Variants in CLASP2 observed in about 807,000 individuals in gnomAD.
CLASP2 encodes the protein CLIP-associating protein 2.
Under a neutral mutation model 194.4 loss-of-function variants are expected in CLASP2, and 47 were observed. The ratio of observed to expected loss-of-function variants is 0.24; its 90% CI spans 0.19 to 0.31. The LOEUF (loss-of-function observed/expected upper bound fraction) is 0.31, where lower values mean the gene tolerates loss of function less well. CLASP2 is among the 10% of genes least tolerant of loss of function. The pLI is 1.00. For synonymous variants in CLASP2, 619 were observed against 633.5 expected (o/e 0.98, Z 0.34); for missense variants, 1,445 against 1,823.6 (o/e 0.79, Z 3.78).
intron 9 of CLASP2, 127 bp from the exon 10 acceptor site, chr3:33,627,207 G>A (rs561858691): frequency 2.9e-6 from 2 of 684,174 alleles, no homozygotes; most frequent in Admixed American, 4.6e-5. Flanking sequence ...ATTTCTAATG[G>A]AGAATAGAAA....
At chr3:33,571,782 G>C (rs2063829369) in intron 25 of CLASP2, among the ~76,000 whole-genome samples, 1 of 152,084 alleles carries the variant, frequency 6.6e-6, no homozygotes, top group Admixed American at 6.5e-5. Flanking sequence ...CATCCTGGGT[G>C]ACAAAGCGAG....
chr3:33,644,612 G>T, intron 8 of CLASP2, 145 bp downstream of exon 8: 2 of 805,324 alleles, frequency 2.5e-6, no homozygotes, highest in African/African-American at 1.7e-5. Context: ...AAAGGGCATC[G>T]TATTCTTCTG....
chr3:33,662,383 CAG>C (rs1303657584), intron 7 of CLASP2, among the ~76,000 whole-genome samples: 1 of 152,102 alleles, frequency 6.6e-6, no homozygotes, highest in Non-Finnish European at 1.5e-5. Context: ...CAGAAATTGA[CAG>C]AGGTAACTGC....
chr3:33,556,978 T>A (rs1272300356), intron 29 of CLASP2, among the ~76,000 whole-genome samples: 1 of 152,058 alleles, frequency 6.6e-6, no homozygotes, highest in Admixed American at 6.5e-5. Context: ...TTATTTTTAT[T>A]TATTTATTTT....
intron 2 of CLASP2, among the ~76,000 whole-genome samples, chr3:33,692,576 C>T (rs927924836): frequency 6.6e-6 from 1 of 152,108 alleles, no homozygotes; most frequent in Non-Finnish European, 1.5e-5. Context: ...TTACTAATTA[C>T]AAAACAGAAA....
At chr3:33,552,640 T>A (rs1342389521) in intron 29 of CLASP2, among the ~76,000 whole-genome samples, 3 of 152,208 alleles carry the variant, frequency 2.0e-5, no homozygotes, top group African/African-American at 7.2e-5. Flanking sequence ...CACATATACA[T>A]AGTGAAACGT....
chr3:33,506,377 CGAAAA>C lies in CLASP2; in HGVS notation c.4317+4176_4317+4180del, dbSNP rs1198883039. 2.3e-4 allele frequency among the ~76,000 whole-genome samples: 14 copies of C among 61,888 alleles called. 1 individual carries two copies. Among genetic ancestry groups the C allele is most frequent in the African/African-American group, 5.7e-4 (10 of 17,514 alleles). The allele number at this position is 61,888 out of a possible 152,430, so 40.6% of individuals were successfully genotyped here. ...TGGGTGACAGAGTGAGACTCTGTCT[CGAAAA>C]AAAAAAAAAAAAAAAAAAAAAAAAG... is the stretch of plus-strand genomic sequence containing the variant. On this transcript the variant is annotated intron_variant, in intron 37 of 38. Coordinates refer to ENST00000682230, the MANE Select transcript of CLASP2 (RefSeq NM_001365631.1).
chr3:33,555,190 T>C (rs756897894), intron 29 of CLASP2, among the ~76,000 whole-genome samples: 9 of 152,142 alleles, frequency 5.9e-5, no homozygotes, highest in East Asian at 3.8e-4. Context: ...GCCATAAATA[T>C]ATAGAATTTT....
At chr3:33,546,449 T>C (rs1188779111) in intron 30 of CLASP2, among the ~76,000 whole-genome samples, 1 of 152,218 alleles carries the variant, frequency 6.6e-6, no homozygotes, top group African/African-American at 2.4e-5. Flanking sequence ...TTTGTTTTAC[T>C]AGATTTCATA....
chr3:33,595,408 T>C (rs1576945761), intron 19 of CLASP2, among the ~76,000 whole-genome samples: 1 of 152,058 alleles, frequency 6.6e-6, no homozygotes. Flanking sequence ...CTGACAAACA[T>C]AGGAATAAAA....
chr3:33,501,703 C>T lies in CLASP2; in HGVS notation c.4383G>A (p.Ala1461=), dbSNP rs111990025. ...GTGGTTTTAGTTCATCACCAATTAC[C>T]GCATGAACAGCCACCAGGCAGAAGA... ...ACVFCLVAVH[A]VIGDELKPHL... The change falls in exon 38 of 39, where the codon GCG becomes GCA. Residue 1461 remains alanine, a synonymous_variant. Coordinates refer to ENST00000682230, the MANE Select transcript of CLASP2 (RefSeq NM_001365631.1). The T allele has an allele frequency of 0.023, 36,918 of 1,613,370 alleles. 509 individuals carry two copies. The highest frequency in any genetic ancestry group is 0.027 in the South Asian group (2,417 of 91,066).
At chr3:33,640,302 G>T (rs1444816929) in intron 8 of CLASP2, among the ~76,000 whole-genome samples, 1 of 152,082 alleles carries the variant, frequency 6.6e-6, no homozygotes, top group African/African-American at 2.4e-5. Flanking sequence ...GGAAAAATGG[G>T]AATAACTAGC....
chr3:33,602,895 T>C, intron 18 of CLASP2, 57 bp downstream of exon 18: 2 of 1,479,252 alleles, frequency 1.4e-6, no homozygotes, highest in Admixed American at 1.9e-5. Flanking sequence ...TATGAACTTG[T>C]CTTCACAGAG....
At chr3:33,585,055 A>G in intron 21 of CLASP2, 135 bp from the exon 22 acceptor site, 1 of 641,842 alleles carries the variant, frequency 1.6e-6, no homozygotes, top group South Asian at 3.2e-5. Flanking sequence ...CAAAGGAAAT[A>G]GACCGAGGAA....
At chr3:33,630,511 T>A (rs1287437557) in intron 9 of CLASP2, among the ~76,000 whole-genome samples, 1 of 151,964 alleles carries the variant, frequency 6.6e-6, no homozygotes, top group African/African-American at 2.4e-5. Context: ...TCAATTACTA[T>A]GAGTATGAGA....
At chr3:33,623,346 C>T (rs1434519393) in intron 10 of CLASP2, among the ~76,000 whole-genome samples, 1 of 152,078 alleles carries the variant, frequency 6.6e-6, no homozygotes, top group African/African-American at 2.4e-5. Flanking sequence ...ACTGTGCTGC[C>T]TAACACTGGA....
intron 21 of CLASP2, among the ~76,000 whole-genome samples, chr3:33,590,658 A>ACTCTTCTTGGTG (rs1452067100): frequency 6.6e-6 from 1 of 151,884 alleles, no homozygotes; most frequent in African/African-American, 2.4e-5. Context: ...TATTTTTAGG[A>ACTCTTCTTGGTG]CTCTTCTTGG....
chr3:33,660,940 A>T (rs984678106), intron 7 of CLASP2, among the ~76,000 whole-genome samples: 7 of 152,228 alleles, frequency 4.6e-5, no homozygotes, highest in Non-Finnish European at 2.9e-5. Flanking sequence ...ATAAAGAAGA[A>T]GTTGAATTAA....
At chr3:33,528,793 GGAAAGAAAGAAAGGAA>G (rs2055326042) in intron 34 of CLASP2, among the ~76,000 whole-genome samples, 1 of 150,534 alleles carries the variant, frequency 6.6e-6, no homozygotes, top group South Asian at 2.1e-4. Flanking sequence ...AAACAAAGAA[GGAAAGAAAGAAAGGAA>G]GAAAGAAAGA....
Sources: gnomAD v4.1 joint callset for allele counts (sites outside exome capture counted in the v4.1 genomes callset) on GRCh38, gnomAD v4.1.1 for gene constraint, MANE v1.5 for transcripts, NCBI Gene and HGNC (gene_info 2026-07-23, HGNC 2026-07-21) for gene names.